The following CDH4 variants were observed in gnomAD, a reference collection of about 807,000 sequenced individuals.
The protein encoded by CDH4 is cadherin-4.
A neutral mutation model predicts 86.0 loss-of-function variants in CDH4; 33 were observed. The ratio of observed to expected loss-of-function variants is 0.38; its 90% CI spans 0.29 to 0.51. The LOEUF (loss-of-function observed/expected upper bound fraction) is 0.51. Among genes scored for constraint, CDH4 ranks in the 20% least tolerant of loss-of-function variants. The pLI is 0.86. For missense variants in CDH4, 1,114 were observed against 1,307.4 expected (o/e 0.85, Z 2.28); for synonymous variants, 555 against 549.4 (o/e 1.01, Z -0.14).
intron 2 of CDH4, among the ~76,000 whole-genome samples, chr20:61,726,567 CCAT>C (rs1486231451): frequency 6.6e-6 from 1 of 152,046 alleles, no homozygotes; most frequent in Non-Finnish European, 1.5e-5. Flanking sequence ...GCAAGAACTG[CCAT>C]CATCATCATT....
At chr20:61,851,559 C>A (rs1982726394) in intron 5 of CDH4, among the ~76,000 whole-genome samples, 1 of 152,206 alleles carries the variant, frequency 6.6e-6, no homozygotes, top group African/African-American at 2.4e-5. Context: ...GCTGCAAATA[C>A]CTTGAGTGAG....
chr20:61,443,341 A>G (rs1284908244), intron 2 of CDH4, among the ~76,000 whole-genome samples: 1 of 152,172 alleles, frequency 6.6e-6, no homozygotes, highest in Non-Finnish European at 1.5e-5. Context: ...ATCACACATC[A>G]TCTGCTGTTT....
chr20:61,915,093 A>G (rs1177073704), intron 9 of CDH4, among the ~76,000 whole-genome samples: 1 of 152,166 alleles, frequency 6.6e-6, no homozygotes, highest in Non-Finnish European at 1.5e-5. Context: ...AGGAGGTGCT[A>G]TTCTTGTCCC....
intron 2 of CDH4, among the ~76,000 whole-genome samples, chr20:61,603,665 A>G (rs1249155009): frequency 6.6e-6 from 1 of 152,198 alleles, no homozygotes. Context: ...CAAGTGTGCA[A>G]AGTGCCAATG....
At position 61,826,962 on chromosome 20, in the gene CDH4, A is replaced by AGT. The variant is rs11470719; in HGVS notation, c.577-17659_577-17658dup. ...AGCTATTACCATTTAAGAAGGGAAA[A>AGT]GTGTGTGTGTGTGTGTGTGTGTGTG... On this transcript the variant is annotated intron_variant, in intron 4 of 15. Coordinates refer to ENST00000614565, the MANE Select transcript of CDH4 (RefSeq NM_001794.5). Among the ~76,000 whole-genome samples the AGT allele has an allele frequency of 2.9e-3, 421 of 146,074 alleles. 5 individuals are homozygous for AGT. Among genetic ancestry groups the AGT allele is most frequent in the African/African-American group, 9.9e-3 (372 of 37,604 alleles).
At chr20:61,782,459 A>C (rs1011091381) in intron 4 of CDH4, among the ~76,000 whole-genome samples, 1 of 152,246 alleles carries the variant, frequency 6.6e-6, no homozygotes, top group African/African-American at 2.4e-5. Context: ...ACCTCCAGGA[A>C]GGGATGGAGA....
chr20:61,696,782 G>T (rs539986962), intron 2 of CDH4, among the ~76,000 whole-genome samples: 1 of 152,328 alleles, frequency 6.6e-6, no homozygotes, highest in Admixed American at 6.5e-5. Context: ...CAGAACCCAT[G>T]AATAGGACAT....
At chr20:61,758,658 C>A (rs2088595005) in intron 3 of CDH4, among the ~76,000 whole-genome samples, 1 of 152,202 alleles carries the variant, frequency 6.6e-6, no homozygotes, top group Admixed American at 6.5e-5. Flanking sequence ...GCACCGCGTC[C>A]CATGTACAGT....
intron 3 of CDH4, among the ~76,000 whole-genome samples, chr20:61,748,389 C>T (rs2088445330): frequency 6.6e-6 from 1 of 152,080 alleles, no homozygotes; most frequent in Non-Finnish European, 1.5e-5. Flanking sequence ...CCTCGGCCTC[C>T]CAAGGAATAT....
intron 2 of CDH4, among the ~76,000 whole-genome samples, chr20:61,551,424 T>A (rs1037601164): frequency 1.3e-5 from 2 of 152,340 alleles, no homozygotes; most frequent in South Asian, 4.1e-4. Context: ...GTTCAATGTG[T>A]AATCAGCACG....
intron 2 of CDH4, among the ~76,000 whole-genome samples, chr20:61,332,540 G>T (rs1036343644): frequency 6.6e-6 from 1 of 152,196 alleles, no homozygotes; most frequent in Non-Finnish European, 1.5e-5. Flanking sequence ...TGCCACTGCC[G>T]CCTCTGTGCC....
chr20:61,882,815 C>T (rs951459225), intron 7 of CDH4, among the ~76,000 whole-genome samples: 5 of 152,050 alleles, frequency 3.3e-5, no homozygotes, highest in South Asian at 2.1e-4. Flanking sequence ...TGGCATGGGC[C>T]GCCCCAGCCC....
rs6061750 is a variant in CDH4 at position 61,697,419 on chromosome 20, A to G, written c.170-46144A>G. 4.5e-3 allele frequency among the ~76,000 whole-genome samples: 680 copies of G among 152,212 alleles called. 12 individuals are homozygous for G. Among genetic ancestry groups the G allele is most frequent in the South Asian group, 0.025 (119 of 4,816 alleles). Reference sequence around the variant, plus strand: ...TCAAGACTAGCCTGGCCAACATGGTAAAACCCCGTCTCTACTAAGAATACA... The same window carrying G: ...TCAAGACTAGCCTGGCCAACATGGTGAAACCCCGTCTCTACTAAGAATACA... On this transcript the variant is annotated intron_variant, in intron 2 of 15. Transcript: ENST00000614565.
chr20:61,297,214 C>T (rs1208034734), intron 2 of CDH4, among the ~76,000 whole-genome samples: 3 of 152,080 alleles, frequency 2.0e-5, no homozygotes, highest in South Asian at 2.1e-4. Flanking sequence ...GGCAAAACCC[C>T]GTCTCTACTA....
intron 8 of CDH4, among the ~76,000 whole-genome samples, chr20:61,908,141 G>T (rs930272794): frequency 2.0e-5 from 3 of 152,194 alleles, no homozygotes; most frequent in Admixed American, 6.5e-5. Flanking sequence ...GAGAAAGGAC[G>T]CAGTGTTTGT....
chr20:61,592,529 T>C (rs1210308254), intron 2 of CDH4, among the ~76,000 whole-genome samples: 2 of 152,220 alleles, frequency 1.3e-5, no homozygotes, highest in African/African-American at 4.8e-5. Context: ...TTCAGAGTTG[T>C]GCAGCCACCA....
At chr20:61,358,811 A>C (rs1253715376) in intron 2 of CDH4, among the ~76,000 whole-genome samples, 2 of 152,178 alleles carry the variant, frequency 1.3e-5, no homozygotes, top group African/African-American at 4.8e-5. Context: ...GCGGGGGGGA[A>C]GGAGAGGAGA....
chr20:61,405,434 TGTAAA>T (rs1006820800), intron 2 of CDH4, among the ~76,000 whole-genome samples: 2 of 152,056 alleles, frequency 1.3e-5, no homozygotes, highest in Admixed American at 1.3e-4. Context: ...TCTCCCGTCC[TGTAAA>T]GTAAAGATAA....
At chr20:61,763,597 T>A (rs887531858) in intron 3 of CDH4, among the ~76,000 whole-genome samples, 2 of 152,188 alleles carry the variant, frequency 1.3e-5, no homozygotes, top group Admixed American at 1.3e-4. Context: ...TTACAATAGT[T>A]GATCACCATT....
Sources: gnomAD v4.1 joint callset for allele counts (sites outside exome capture counted in the v4.1 genomes callset) on GRCh38, gnomAD v4.1.1 for gene constraint, MANE v1.5 for transcripts, NCBI Gene and HGNC (gene_info 2026-07-23, HGNC 2026-07-21) for gene names.